The following CRIM1 variants were observed in gnomAD, a reference collection of about 807,000 sequenced individuals.
The protein encoded by CRIM1 is cysteine-rich motor neuron 1 protein.
A neutral mutation model predicts 116.4 loss-of-function variants in CRIM1; 32 were observed. That is an observed-to-expected ratio of 0.27 (90% CI 0.21 to 0.37). The LOEUF (loss-of-function observed/expected upper bound fraction) is 0.37, where lower values mean the gene tolerates loss of function less well. Ranked by LOEUF, CRIM1 falls within the 10% of genes least tolerant of loss-of-function variation. CRIM1 has a pLI of 1.00. For synonymous variants in CRIM1, 590 were observed against 509.2 expected, an observed-to-expected ratio of 1.16 and a Z score of -2.13; for missense variants, 1,331 against 1,354.8, an observed-to-expected ratio of 0.98 and a Z score of 0.28.
intron 11 of CRIM1, among the ~76,000 whole-genome samples, chr2:36,515,103 A>G (rs564351982): frequency 6.6e-6 from 1 of 152,286 alleles, no homozygotes; most frequent in African/African-American, 2.4e-5. Context: ...CTCTTTGGGG[A>G]GGGAAAAATC....
At chr2:36,503,807 C>A in intron 8 of CRIM1, among the ~76,000 whole-genome samples, 1 of 152,078 alleles carries the variant, frequency 6.6e-6, no homozygotes, top group East Asian at 1.9e-4. Flanking sequence ...AAACCTTTTT[C>A]ACATACAGTA....
chr2:36,435,090 T>C (rs1392107823), intron 2 of CRIM1, among the ~76,000 whole-genome samples: 2 of 152,208 alleles, frequency 1.3e-5, no homozygotes, highest in Non-Finnish European at 2.9e-5. Context: ...CCTGTGCTAC[T>C]GAGTGACCAA....
Position 36,545,887 on chromosome 2 carries a change from TACTCTTTG to T in CRIM1, c.2747-1094_2747-1087del, listed in dbSNP as rs1232062952. Among the ~76,000 whole-genome samples the T allele has an allele frequency of 3.9e-5, 6 of 152,320 alleles. No homozygotes were observed. The South Asian group carries it at 1.2e-3, about 32-fold the overall frequency. ...AAATCTGAATTCATCAATAAAATGTTACTCTTTGACATTTTTCTTGATGCTGGAAAATA... is the reference window on the plus strand; with the variant it reads ...AAATCTGAATTCATCAATAAAATGTTACATTTTTCTTGATGCTGGAAAATA... On this transcript the variant is annotated intron_variant, in intron 15 of 16. Coordinates refer to ENST00000280527, the MANE Select transcript of CRIM1 (RefSeq NM_016441.3).
chr2:36,383,915 C>G (rs1463054374), intron 1 of CRIM1, among the ~76,000 whole-genome samples: 3 of 152,168 alleles, frequency 2.0e-5, no homozygotes, highest in East Asian at 3.8e-4. Context: ...GGAGGCCCTA[C>G]TATGTGCTGA....
intron 2 of CRIM1, among the ~76,000 whole-genome samples, chr2:36,410,500 G>C (rs753950063): frequency 9.2e-5 from 14 of 151,852 alleles, no homozygotes; most frequent in Non-Finnish European, 1.6e-4. Context: ...TCTTGTCCTT[G>C]TCAGGGTTTT....
At chr2:36,380,852 G>A (rs1438366014) in intron 1 of CRIM1, among the ~76,000 whole-genome samples, 1 of 152,150 alleles carries the variant, frequency 6.6e-6, no homozygotes, top group South Asian at 2.1e-4. Flanking sequence ...ACAGATTAAG[G>A]AAGTGAGACC....
intron 9 of CRIM1, 121 bp downstream of exon 9, chr2:36,510,260 A>G (rs942176485): frequency 6.6e-6 from 6 of 904,142 alleles, no homozygotes; most frequent in African/African-American, 3.4e-5. Context: ...CAGAATGTCT[A>G]TACTTGTTTT....
chr2:36,512,483 C>T (rs961665173), intron 10 of CRIM1, 89 bp downstream of exon 10: 42 of 1,412,144 alleles, frequency 3.0e-5, no homozygotes, highest in Admixed American at 3.9e-5. Flanking sequence ...GAAATGGTTT[C>T]GGTGGTTGCT....
chr2:36,391,600 A>G (rs1671609299), intron 1 of CRIM1, among the ~76,000 whole-genome samples: 1 of 152,208 alleles, frequency 6.6e-6, no homozygotes, highest in South Asian at 2.1e-4. Context: ...AGAGGTACCC[A>G]GCATTCTTTT....
At chr2:36,403,042 T>C (rs768577169) in intron 2 of CRIM1, among the ~76,000 whole-genome samples, 14 of 152,200 alleles carry the variant, frequency 9.2e-5, no homozygotes, top group South Asian at 4.1e-4. Context: ...GAAAAAGTTA[T>C]AACCTCATCA....
chr2:36,458,151 GC>G (rs142924872), intron 4 of CRIM1, among the ~76,000 whole-genome samples: 34 of 152,308 alleles, frequency 2.2e-4, no homozygotes, highest in Middle Eastern at 6.8e-3. Flanking sequence ...TAGGATACGG[GC>G]AGAGGAAGAT....
Position 36,439,960 on chromosome 2 carries a change from G to A in CRIM1, c.506-1298G>A, listed in dbSNP as rs1024003168. 2.0e-5 allele frequency among the ~76,000 whole-genome samples: 3 copies of A among 152,266 alleles called. No homozygotes were observed. The South Asian group carries it at 6.2e-4, about 32-fold the overall frequency. On this transcript the variant is annotated intron_variant, in intron 2 of 16. Transcript: ENST00000280527. ...CAACAGGTGCTCAGTCAATGTTTCA[G>A]TGAATTTACTAGAACTATAAGTATG...
chr2:36,379,607 C>T (rs1400761715), intron 1 of CRIM1, among the ~76,000 whole-genome samples: 1 of 152,104 alleles, frequency 6.6e-6, no homozygotes, highest in Non-Finnish European at 1.5e-5. Flanking sequence ...TACTTGGGGT[C>T]CAAACTCTAG....
chr2:36,431,142 T>G (rs914618365), intron 2 of CRIM1, among the ~76,000 whole-genome samples: 2 of 152,158 alleles, frequency 1.3e-5, no homozygotes, highest in Non-Finnish European at 2.9e-5. Context: ...ATAGCAAGCA[T>G]GGAGTGATTA....
At chr2:36,543,996 C>G (rs1667138615) in intron 14 of CRIM1, among the ~76,000 whole-genome samples, 1 of 152,126 alleles carries the variant, frequency 6.6e-6, no homozygotes, top group South Asian at 2.1e-4. Flanking sequence ...GTAAGTTATT[C>G]AATACCCCCA....
At chr2:36,380,381 C>G (rs922775507) in intron 1 of CRIM1, among the ~76,000 whole-genome samples, 1 of 152,158 alleles carries the variant, frequency 6.6e-6, no homozygotes, top group East Asian at 1.9e-4. Context: ...CCTCTTGGGT[C>G]TGGATGGGGC....
At chr2:36,445,119 G>A (rs1031442765) in intron 4 of CRIM1, among the ~76,000 whole-genome samples, 2 of 152,136 alleles carry the variant, frequency 1.3e-5, no homozygotes, top group Non-Finnish European at 1.5e-5. Flanking sequence ...ATGAATGGAT[G>A]AACAAACAGG....
intron 13 of CRIM1, among the ~76,000 whole-genome samples, chr2:36,534,127 G>A (rs1197922636): frequency 3.6e-5 from 5 of 138,154 alleles, no homozygotes; most frequent in Admixed American, 2.9e-4. Flanking sequence ...GGGGAAAGGA[G>A]GGAAGAATGA....
At chr2:36,362,747 T>C (rs1393074625) in intron 1 of CRIM1, among the ~76,000 whole-genome samples, 2 of 152,232 alleles carry the variant, frequency 1.3e-5, no homozygotes, top group Non-Finnish European at 2.9e-5. Flanking sequence ...TTACGTGTTT[T>C]ATCTTGGGCC....
Sources: gnomAD v4.1 joint callset for allele counts (sites outside exome capture counted in the v4.1 genomes callset) on GRCh38, gnomAD v4.1.1 for gene constraint, MANE v1.5 for transcripts, NCBI Gene and HGNC (gene_info 2026-07-23, HGNC 2026-07-21) for gene names.